RNF150: variants seen among roughly 807,000 people sequenced by gnomAD.
The protein encoded by RNF150 is ring finger protein 150.
A neutral mutation model predicts 39.3 loss-of-function variants in RNF150; 24 were observed. That is an observed-to-expected ratio of 0.61 (90% CI 0.44 to 0.86). RNF150 has a LOEUF of 0.86. Ranked by LOEUF, RNF150 falls within the 40% of genes least tolerant of loss-of-function variation. RNF150 has a pLI of 0.00. For synonymous variants in RNF150, 255 were observed against 227.3 expected (o/e 1.12, Z -1.10); for missense variants, 502 against 587.8 (o/e 0.85, Z 1.51).
chr4:141,201,180 G>A (rs539781317), intron 1 of RNF150, among the ~76,000 whole-genome samples: 1 of 152,312 alleles, frequency 6.6e-6, no homozygotes, highest in South Asian at 2.1e-4. Flanking sequence ...GACCACCAAT[G>A]TAGGTCCACA....
At chr4:140,936,202 T>C (rs1731858341) in intron 4 of RNF150, among the ~76,000 whole-genome samples, 1 of 152,214 alleles carries the variant, frequency 6.6e-6, no homozygotes, top group Non-Finnish European at 1.5e-5. Flanking sequence ...ATCTGTACTG[T>C]CCTCATTTTT....
chr4:141,143,989 A>G (rs1344896255), intron 1 of RNF150, among the ~76,000 whole-genome samples: 1 of 152,188 alleles, frequency 6.6e-6, no homozygotes, highest in Non-Finnish European at 1.5e-5. Context: ...TTTTGCCTAT[A>G]TACCCTATTT....
chr4:141,114,821 A>G (rs551258661), intron 1 of RNF150, among the ~76,000 whole-genome samples: 1 of 152,326 alleles, frequency 6.6e-6, no homozygotes, highest in South Asian at 2.1e-4. Flanking sequence ...CATCCCTGGG[A>G]TGCAAGGCTG....
In RNF150 at chr4:141,132,802, T is replaced by G; in HGVS notation, c.7A>C (p.Met3Leu). 6.2e-7 allele frequency: 1 copy of G among 1,605,898 alleles called. No individual in the cohort carries two copies. Among genetic ancestry groups the G allele is most frequent in the Middle Eastern group, 1.7e-4 (1 of 6,036 alleles). ...CTGCAGCACGCTTGGATGAGAGACA[T>G]TGCCATCTTTATCCGCCGGGGCCCC... MA[M>L]SLIQACCSLA... The change falls in exon 1 of 7, where the codon ATG becomes CTG. Residue 3 changes from methionine to leucine, a missense_variant. Coordinates refer to ENST00000515673, the MANE Select transcript of RNF150 (RefSeq NM_020724.2). The surrounding 1 kb of genome is among the most constrained non-coding windows in gnomAD (Gnocchi z 4.9).
intron 1 of RNF150, among the ~76,000 whole-genome samples, chr4:141,092,891 A>G (rs1321238202): frequency 1.3e-5 from 2 of 152,064 alleles, no homozygotes; most frequent in South Asian, 2.1e-4. Flanking sequence ...AATATATTAA[A>G]CATCTCTTGT....
chr4:140,952,912 A>C (rs555069130), intron 2 of RNF150, among the ~76,000 whole-genome samples: 2 of 152,318 alleles, frequency 1.3e-5, no homozygotes, highest in Admixed American at 6.5e-5. Context: ...AAATCATGGA[A>C]GATTACTCAC....
chr4:141,158,744 C>T (rs1578772412), intron 1 of RNF150, among the ~76,000 whole-genome samples: 1 of 152,228 alleles, frequency 6.6e-6, no homozygotes, highest in East Asian at 1.9e-4. Flanking sequence ...TACCCCGCCC[C>T]CACCACCCCA....
chr4:140,918,275 C>A (rs549965667), intron 5 of RNF150, among the ~76,000 whole-genome samples: 1 of 151,878 alleles, frequency 6.6e-6, no homozygotes, highest in Non-Finnish European at 1.5e-5. Context: ...AAAACATCAA[C>A]GAAATTGATA....
chr4:140,972,274 A>C (rs1259131265), intron 1 of RNF150, among the ~76,000 whole-genome samples: 1 of 152,156 alleles, frequency 6.6e-6, no homozygotes, highest in Non-Finnish European at 1.5e-5. Flanking sequence ...ATATAAATGT[A>C]AAGTGTAATT....
intron 1 of RNF150, among the ~76,000 whole-genome samples, chr4:141,065,673 G>A (rs140691330): frequency 3.3e-5 from 5 of 152,078 alleles, no homozygotes; most frequent in African/African-American, 1.2e-4. Flanking sequence ...TAATTTTTAA[G>A]TTACTGAGTC....
rs936767339 is a variant in RNF150 at position 141,045,697 on chromosome 4, C to T, written c.485-77824G>A. 3.9e-5 allele frequency among the ~76,000 whole-genome samples: 6 copies of T among 152,150 alleles called. No homozygotes were observed. In the South Asian group the frequency reaches 8.3e-4, roughly 21 times the overall value. On this transcript the variant is annotated intron_variant, in intron 1 of 6. Coordinates refer to ENST00000515673, the MANE Select transcript of RNF150 (RefSeq NM_020724.2). ...TAGCTCGGATTACAGGCGTCCACCA[C>T]CATGTCCAGCTAATTTTTGTATTTT...
chr4:140,995,513 GGT>G, intron 1 of RNF150, among the ~76,000 whole-genome samples: 1 of 152,170 alleles, frequency 6.6e-6, no homozygotes, highest in East Asian at 1.9e-4. Context: ...GTAAATTCTA[GGT>G]GTTGCCATTC....
intron 1 of RNF150, among the ~76,000 whole-genome samples, chr4:141,013,214 A>C (rs953850154): frequency 6.6e-6 from 1 of 152,212 alleles, no homozygotes; most frequent in Admixed American, 6.5e-5. Context: ...AGGTGAGATT[A>C]TGTGATGGCT....
At chr4:141,051,695 A>G (rs758472605) in intron 1 of RNF150, among the ~76,000 whole-genome samples, 12 of 152,124 alleles carry the variant, frequency 7.9e-5, no homozygotes, top group Non-Finnish European at 1.6e-4. Context: ...TGTTCATATC[A>G]TTATCGGCAT....
chr4:140,980,550 G>A (rs1318787), intron 1 of RNF150, among the ~76,000 whole-genome samples: 46,477 of 151,906 alleles, frequency 0.31, 7,882 homozygotes, highest in East Asian at 0.71. Context: ...AGTTCCCATA[G>A]TCCCCATGTG....
At chr4:140,999,297 G>A (rs921048896) in intron 1 of RNF150, among the ~76,000 whole-genome samples, 20 of 152,202 alleles carry the variant, frequency 1.3e-4, no homozygotes, top group African/African-American at 4.8e-4. Context: ...CAACTCTGCT[G>A]ATGAGCAGAT....
intron 1 of RNF150, among the ~76,000 whole-genome samples, chr4:141,200,374 C>T (rs190653342): frequency 4.6e-5 from 7 of 151,400 alleles, no homozygotes; most frequent in Admixed American, 2.6e-4. Context: ...ACTATCACAT[C>T]GGGATACAGA....
chr4:141,129,778 A>G (rs1726844141), intron 1 of RNF150, among the ~76,000 whole-genome samples: 1 of 152,152 alleles, frequency 6.6e-6, no homozygotes, highest in Non-Finnish European at 1.5e-5. Flanking sequence ...AAAACAGAAA[A>G]CGTATATGAA....
chr4:140,993,319 CT>C (rs1239546043), intron 1 of RNF150, among the ~76,000 whole-genome samples: 5 of 152,154 alleles, frequency 3.3e-5, no homozygotes, highest in Non-Finnish European at 5.9e-5. Flanking sequence ...TTCATCATCT[CT>C]TTTTCTCTCT....
Sources: allele counts gnomAD v4.1 joint callset (sites outside exome capture counted in the v4.1 genomes callset), GRCh38; gene constraint gnomAD v4.1.1; non-coding constraint Gnocchi (gnomAD v3.1); transcripts MANE v1.5; gene names NCBI Gene and HGNC (gene_info 2026-07-23, HGNC 2026-07-21).